Variants in NELL1 observed in about 807,000 individuals in gnomAD.
NELL1 encodes protein kinase C-binding protein NELL1.
In NELL1, 76 loss-of-function variants were observed where a neutral mutation model predicts 107.4. That is an observed-to-expected ratio of 0.71 (90% CI 0.59 to 0.86). The LOEUF (loss-of-function observed/expected upper bound fraction) is 0.86, where lower values mean the gene tolerates loss of function less well. Among genes scored for constraint, NELL1 ranks in the 40% least tolerant of loss-of-function variants. The pLI, the probability that NELL1 is intolerant of heterozygous loss-of-function variation, is 0.00. For synonymous variants in NELL1, 353 were observed against 341.2 expected (o/e 1.03, Z -0.38); for missense variants, 1,024 against 1,005.5 (o/e 1.02, Z -0.25).
At chr11:20,749,215 A>G (rs1856078341) in intron 2 of NELL1, among the ~76,000 whole-genome samples, 1 of 152,212 alleles carries the variant, frequency 6.6e-6, no homozygotes, top group South Asian at 2.1e-4. Flanking sequence ...CAGTATAGTG[A>G]ACAGCTGGGA....
chr11:20,792,108 C>G (rs981711391), intron 3 of NELL1, among the ~76,000 whole-genome samples: 2 of 151,964 alleles, frequency 1.3e-5, no homozygotes, highest in Non-Finnish European at 2.9e-5. Context: ...ATTTTGATAT[C>G]TTTCTTTTGA....
intron 4 of NELL1, among the ~76,000 whole-genome samples, chr11:20,883,726 A>G (rs1489915566): frequency 1.3e-5 from 2 of 152,158 alleles, no homozygotes; most frequent in African/African-American, 4.8e-5. Flanking sequence ...AATATTTTGT[A>G]TATACTTTCC....
At chr11:20,704,257 A>T (rs537503326) in intron 2 of NELL1, among the ~76,000 whole-genome samples, 1 of 152,324 alleles carries the variant, frequency 6.6e-6, no homozygotes, top group South Asian at 2.1e-4. Flanking sequence ...ACCATTATGT[A>T]ATGGCCTTCT....
rs140129150 is a variant in NELL1 at position 20,927,390 on chromosome 11, G to C, written c.842G>C (p.Arg281Pro). The C allele has an allele frequency of 9.2e-5, 149 of 1,613,382 alleles. No homozygotes were observed. The African/African-American group carries it at 1.9e-3, about 20-fold the overall frequency. ...KTCQVSGLLY[R>P]DQDSWVDGDH... ...TGTCAAGTGAGTGGACTGCTCTATC[G>C]AGATCAAGACTCTTGGGTAGATGGT... Residue 281 changes from arginine to proline, a missense_variant, in exon 8 of 20, where the codon CGA becomes CCA. Coordinates refer to ENST00000357134, the MANE Select transcript of NELL1 (RefSeq NM_006157.5).
At chr11:20,696,323 G>A (rs1854615791) in intron 2 of NELL1, among the ~76,000 whole-genome samples, 1 of 151,654 alleles carries the variant, frequency 6.6e-6, no homozygotes, top group South Asian at 2.1e-4. Context: ...GCTAGCTTTG[G>A]GGTTAGTTTT....
intron 3 of NELL1, among the ~76,000 whole-genome samples, chr11:20,795,358 T>A (rs892568376): frequency 6.6e-6 from 1 of 152,224 alleles, no homozygotes; most frequent in Non-Finnish European, 1.5e-5. Context: ...TGTAATGGAA[T>A]GGGTACTCTG....
At chr11:21,289,413 G>C (rs7101523) in intron 14 of NELL1, among the ~76,000 whole-genome samples, 290 of 152,282 alleles carry the variant, frequency 1.9e-3, no homozygotes, top group African/African-American at 6.5e-3. Flanking sequence ...CAAGGGGTCA[G>C]GGAACTCCCT....
intron 12 of NELL1, among the ~76,000 whole-genome samples, chr11:21,067,375 C>G (rs935460207): frequency 2.0e-5 from 3 of 151,774 alleles, no homozygotes; most frequent in African/African-American, 7.3e-5. Context: ...TTTTTAAAGT[C>G]TTGCATTTTA....
chr11:21,436,839 AT>A (rs1207266613), intron 15 of NELL1, among the ~76,000 whole-genome samples: 60 of 151,606 alleles, frequency 4.0e-4, no homozygotes, highest in Admixed American at 3.9e-3. Context: ...GATTTCAAGA[AT>A]TTTTTTTGCT....
intron 4 of NELL1, among the ~76,000 whole-genome samples, chr11:20,866,192 T>C (rs1199218882): frequency 6.6e-6 from 1 of 152,214 alleles, no homozygotes; most frequent in East Asian, 1.9e-4. Flanking sequence ...CAGAAGGCTT[T>C]GAGGCTAGAG....
intron 3 of NELL1, among the ~76,000 whole-genome samples, chr11:20,805,620 T>C (rs1169109489): frequency 6.6e-6 from 1 of 152,066 alleles, no homozygotes; most frequent in Non-Finnish European, 1.5e-5. Flanking sequence ...CCCAGGTTCA[T>C]GCCTCCCGAG....
intron 12 of NELL1, among the ~76,000 whole-genome samples, chr11:21,104,491 C>A (rs944278223): frequency 2.0e-5 from 3 of 152,114 alleles, no homozygotes; most frequent in African/African-American, 7.2e-5. Flanking sequence ...CATGAATTCC[C>A]AAATATTTAA....
chr11:21,309,312 A>ATATATGT (rs1446101037), intron 14 of NELL1, among the ~76,000 whole-genome samples: 1 of 130,002 alleles, frequency 7.7e-6, no homozygotes, highest in Admixed American at 8.2e-5. Flanking sequence ...ATATATATAT[A>ATATATGT]ATATATATAT....
intron 2 of NELL1, among the ~76,000 whole-genome samples, chr11:20,697,238 C>T (rs1207704602): frequency 2.0e-5 from 3 of 152,060 alleles, no homozygotes; most frequent in Non-Finnish European, 4.4e-5. Flanking sequence ...CTCTGCTTTG[C>T]TTTGAGTGGT....
chr11:20,698,203 C>G (rs1027388742), intron 2 of NELL1, among the ~76,000 whole-genome samples: 1 of 152,132 alleles, frequency 6.6e-6, no homozygotes, highest in Non-Finnish European at 1.5e-5. Context: ...TCAAGCTAGC[C>G]GTGAGAGTGG....
At chr11:21,057,013 A>T (rs569879733) in intron 12 of NELL1, among the ~76,000 whole-genome samples, 2 of 152,098 alleles carry the variant, frequency 1.3e-5, no homozygotes, top group African/African-American at 4.8e-5. Context: ...GAGAAAAAGG[A>T]TAAGAAAAGG....
At chr11:20,996,452 G>A (rs1251117906) in intron 12 of NELL1, among the ~76,000 whole-genome samples, 1 of 152,168 alleles carries the variant, frequency 6.6e-6, no homozygotes, top group East Asian at 1.9e-4. Flanking sequence ...CACCTCTGCT[G>A]TCACTGGGGC....
At chr11:21,296,090 G>T (rs1849369603) in intron 14 of NELL1, among the ~76,000 whole-genome samples, 3 of 151,972 alleles carry the variant, frequency 2.0e-5, no homozygotes, top group Admixed American at 2.0e-4. Flanking sequence ...TATTGTATAT[G>T]TCTAAACACA....
chr11:21,020,747 T>C (rs749650664), intron 12 of NELL1, among the ~76,000 whole-genome samples: 1 of 151,984 alleles, frequency 6.6e-6, no homozygotes, highest in Non-Finnish European at 1.5e-5. Context: ...GATACATAGA[T>C]TTATGTCAGA....
Sources: allele counts gnomAD v4.1 joint callset (sites outside exome capture counted in the v4.1 genomes callset), GRCh38; gene constraint gnomAD v4.1.1; transcripts MANE v1.5; gene names NCBI Gene and HGNC (gene_info 2026-07-23, HGNC 2026-07-21).